Variants in CDK5RAP1 observed in about 807,000 individuals in gnomAD.
CDK5RAP1 encodes the protein CDK5RAP1 mitochondrial tRNA methylthiotransferase.
Under a neutral mutation model 64.5 loss-of-function variants are expected in CDK5RAP1, and 62 were observed. The observed-to-expected ratio is 0.96, with a 90% CI of 0.78 to 1.19. The LOEUF (loss-of-function observed/expected upper bound fraction) is 1.19. CDK5RAP1 is among the 50% of genes most tolerant of loss of function. The pLI is 0.00. For synonymous variants in CDK5RAP1, 250 were observed against 261.9 expected, an observed-to-expected ratio of 0.95 and a Z score of 0.44; for missense variants, 657 against 735.0, an observed-to-expected ratio of 0.89 and a Z score of 1.23.
intron 5 of CDK5RAP1, among the ~76,000 whole-genome samples, chr20:33,390,519 G>C (rs1188206241): frequency 6.6e-6 from 1 of 152,110 alleles, no homozygotes; most frequent in Non-Finnish European, 1.5e-5. Context: ...TTTGGGAAGA[G>C]AAAAAAGTCC....
At chr20:33,362,963 C>G (rs1983210678) in intron 12 of CDK5RAP1, among the ~76,000 whole-genome samples, 1 of 152,168 alleles carries the variant, frequency 6.6e-6, no homozygotes, top group African/African-American at 2.4e-5. Flanking sequence ...AAAATACTTA[C>G]TAGTTACAAA....
intron 1 of CDK5RAP1, among the ~76,000 whole-genome samples, chr20:33,399,361 C>A (rs906644052): frequency 2.0e-5 from 3 of 152,132 alleles, no homozygotes; most frequent in Non-Finnish European, 4.4e-5. Context: ...GTACTTTCAG[C>A]TTTCTTCCTC....
chr20:33,363,668 T>G (rs1983348622), intron 12 of CDK5RAP1, among the ~76,000 whole-genome samples: 1 of 151,882 alleles, frequency 6.6e-6, no homozygotes, highest in African/African-American at 2.4e-5. Context: ...GAGGCTGAGG[T>G]AGGAGGATTG....
chr20:33,385,789 G>T lies in CDK5RAP1; in HGVS notation c.756-19C>A. The T allele has an allele frequency of 6.2e-7, 1 of 1,606,558 alleles. No homozygotes were observed. The highest frequency in any genetic ancestry group is 8.5e-7 in the Non-Finnish European group (1 of 1,176,428). ...GATTGACCTGGAGAAGAAAGTACCA[G>T]AACTTAGTAACAGTAGCAGGGTGTG... On this transcript the variant is annotated intron_variant, in intron 6 of 13. Transcript: ENST00000346416.
At chr20:33,364,394 G>A (rs1271588918) in intron 12 of CDK5RAP1, among the ~76,000 whole-genome samples, 1 of 151,564 alleles carries the variant, frequency 6.6e-6, no homozygotes, top group Non-Finnish European at 1.5e-5. Flanking sequence ...TCACCATCTT[G>A]GCCAGGCTGG....
chr20:33,401,051 G>A (rs1216828076), intron 1 of CDK5RAP1, among the ~76,000 whole-genome samples: 1 of 152,226 alleles, frequency 6.6e-6, no homozygotes, highest in East Asian at 1.9e-4. Context: ...CAATGAGGCT[G>A]GAACAACAGC....
At chr20:33,369,118 GAC>G (rs1270127880) in intron 11 of CDK5RAP1, among the ~76,000 whole-genome samples, 1 of 150,602 alleles carries the variant, frequency 6.6e-6, no homozygotes, top group Non-Finnish European at 1.5e-5. Context: ...CCAGCCTGGT[GAC>G]AGAGCGAGAC....
At chr20:33,388,448 TAATG>T (rs1294147308) in intron 5 of CDK5RAP1, among the ~76,000 whole-genome samples, 3 of 152,016 alleles carry the variant, frequency 2.0e-5, no homozygotes, top group South Asian at 4.2e-4. Flanking sequence ...AAGTGTCTAT[TAATG>T]AATGAAGAGA....
intron 3 of CDK5RAP1, among the ~76,000 whole-genome samples, chr20:33,394,479 C>CTTTT (rs377029678): frequency 7.1e-6 from 1 of 140,524 alleles, no homozygotes. Flanking sequence ...TATTTTTTTC[C>CTTTT]TTTTTTTTTT....
Position 33,395,046 on chromosome 20 carries a change from C to A in CDK5RAP1, c.375G>T (p.Lys125Asn). 6.2e-7 allele frequency: 1 copy of A among 1,613,002 alleles called. No homozygotes were observed. Among genetic ancestry groups the A allele is most frequent in the Non-Finnish European group, 8.5e-7 (1 of 1,178,978 alleles). Residue 125 changes from lysine to asparagine, a missense_variant, in exon 3 of 14, where the codon AAG becomes AAT. Lys to Asn is a moderately conservative substitution (Grantham distance 94). Transcript: ENST00000346416. ...GGTTACTGGTCCGCAGGTAGCCACT[C>A]TTCTGTAAGATGGACCAGGCTATCT... ...DTEIAWSILQ[K>N]SGYLRTSNLQ...
At chr20:33,389,540 G>A (rs1988025388) in intron 5 of CDK5RAP1, among the ~76,000 whole-genome samples, 1 of 150,658 alleles carries the variant, frequency 6.6e-6, no homozygotes, top group African/African-American at 2.4e-5. Flanking sequence ...GAGGGAGGTG[G>A]GGGGGTCAGC....
intron 8 of CDK5RAP1, among the ~76,000 whole-genome samples, chr20:33,378,402 T>A (rs371043271): frequency 5.9e-5 from 9 of 152,182 alleles, no homozygotes; most frequent in Non-Finnish European, 7.3e-5. Flanking sequence ...TAACATTAAA[T>A]AGCACTGATC....
chr20:33,385,834 A>T, intron 6 of CDK5RAP1, 64 bp from the exon 7 acceptor site: 1 of 1,481,702 alleles, frequency 6.7e-7, no homozygotes, highest in Non-Finnish European at 9.2e-7. Context: ...CCCAAGGAGC[A>T]GGACTCAGCT....
intron 2 of CDK5RAP1, among the ~76,000 whole-genome samples, chr20:33,396,513 T>C (rs1326985736): frequency 6.6e-6 from 1 of 152,214 alleles, no homozygotes; most frequent in African/African-American, 2.4e-5. Flanking sequence ...TTACCCAGAC[T>C]GTTCTTGAAC....
At chr20:33,396,589 C>T (rs1207650811) in intron 2 of CDK5RAP1, among the ~76,000 whole-genome samples, 172 bp downstream of exon 2, 2 of 152,094 alleles carry the variant, frequency 1.3e-5, no homozygotes, top group African/African-American at 2.4e-5. Flanking sequence ...CATGAGCCAC[C>T]GTGACCAGTC....
chr20:33,392,462 A>ATT (rs1202756640), intron 4 of CDK5RAP1, among the ~76,000 whole-genome samples: 1,343 of 118,944 alleles, frequency 0.011, 17 homozygotes, highest in African/African-American at 0.035. Flanking sequence ...TTTGGGGGGG[A>ATT]TTTTTTTTTT....
intron 5 of CDK5RAP1, among the ~76,000 whole-genome samples, chr20:33,391,608 G>T (rs944866497): frequency 6.6e-6 from 1 of 151,958 alleles, no homozygotes. Context: ...GATCACCCGA[G>T]GTCAGGAGTT....
At chr20:33,391,090 C>A (rs1301888721) in intron 5 of CDK5RAP1, among the ~76,000 whole-genome samples, 1 of 151,822 alleles carries the variant, frequency 6.6e-6, no homozygotes, top group Non-Finnish European at 1.5e-5. Context: ...CCTGTTTCTA[C>A]AAAAGGTCAA....
intron 11 of CDK5RAP1, among the ~76,000 whole-genome samples, chr20:33,368,374 T>A (rs143683902): frequency 0.018 from 2,741 of 151,902 alleles, 224 homozygotes; most frequent in Admixed American, 0.14. Context: ...ATCACCACAG[T>A]TTCAACCTCC....
Sources: allele counts gnomAD v4.1 joint callset (sites outside exome capture counted in the v4.1 genomes callset), GRCh38; gene constraint gnomAD v4.1.1; transcripts MANE v1.5; gene names NCBI Gene and HGNC (gene_info 2026-07-23, HGNC 2026-07-21).